EYS: variants seen among roughly 807,000 people sequenced by gnomAD.
EYS encodes the protein EGF-like photoreceptor maintenance factor.
A neutral mutation model predicts 282.1 loss-of-function variants in EYS; 250 were observed. The ratio of observed to expected loss-of-function variants is 0.89; its 90% CI spans 0.80 to 0.98. The LOEUF (loss-of-function observed/expected upper bound fraction) is 0.98. Ranked by LOEUF, EYS falls within the 50% of genes least tolerant of loss-of-function variation. EYS has a pLI of 0.00. For synonymous variants in EYS, 1,355 were observed against 1,282.9 expected (o/e 1.06, Z -1.20); for missense variants, 4,016 against 3,709.0 (o/e 1.08, Z -2.15).
chr6:63,773,447 A>C (rs1769985509), intron 40 of EYS, among the ~76,000 whole-genome samples: 1 of 152,212 alleles, frequency 6.6e-6, no homozygotes, highest in African/African-American at 2.4e-5. Context: ...CTTGGTAAGG[A>C]GAGGCGGTTT....
rs1385606496 is a variant in EYS at position 64,822,643 on chromosome 6, A to G, written c.3164+8T>C. The G allele has an allele frequency of 4.6e-6, 7 of 1,516,716 alleles. No individual in the cohort carries two copies. The Admixed American group carries it at 1.4e-4, about 31-fold the overall frequency. The allele number at this position is 1,516,716 out of a possible 1,614,324, so 94.0% of individuals were successfully genotyped here. On this transcript the variant is annotated splice_region_variant and intron_variant, in intron 20 of 42. Coordinates refer to ENST00000503581, the MANE Select transcript of EYS (RefSeq NM_001142800.2). ...TTTCATAAAGCTAATAATAAAAAAA[A>G]TAGCTACCTTCCATGTAGACAAGGA...
intron 29 of EYS, chr6:64,377,698 T>C (rs2150417834): frequency 6.6e-6 from 1 of 152,252 alleles, no homozygotes; most frequent in South Asian, 2.1e-4. Flanking sequence ...AGTTGTGTTT[T>C]TGATTTTTTT....
At chr6:65,316,198 T>C (rs1485428850) in intron 11 of EYS, among the ~76,000 whole-genome samples, 1 of 152,198 alleles carries the variant, frequency 6.6e-6, no homozygotes, top group Non-Finnish European at 1.5e-5. Flanking sequence ...GGCTTGTTTT[T>C]ATAGTCTCTA....
At chr6:64,819,583 A>T (rs1764839056) in intron 21 of EYS, among the ~76,000 whole-genome samples, 1 of 152,018 alleles carries the variant, frequency 6.6e-6, no homozygotes, top group Non-Finnish European at 1.5e-5. Flanking sequence ...AGCTTTTATC[A>T]ATCATAATAT....
At chr6:65,179,173 C>G (rs1053573353) in intron 12 of EYS, among the ~76,000 whole-genome samples, 2 of 151,794 alleles carry the variant, frequency 1.3e-5, no homozygotes, top group African/African-American at 4.8e-5. Flanking sequence ...AGAGCAAACA[C>G]CTTCAAAAGC....
chr6:64,082,808 A>G (rs965019117), intron 31 of EYS, among the ~76,000 whole-genome samples: 14 of 152,158 alleles, frequency 9.2e-5, no homozygotes, highest in African/African-American at 1.9e-4. Flanking sequence ...ATCTATATTC[A>G]TATCTATTAA....
chr6:65,525,513 C>T (rs1767522847), intron 2 of EYS, among the ~76,000 whole-genome samples: 2 of 152,150 alleles, frequency 1.3e-5, no homozygotes, highest in Admixed American at 6.5e-5. Flanking sequence ...CCCTCGCCCA[C>T]CATCAATTAC....
intron 36 of EYS, among the ~76,000 whole-genome samples, chr6:63,830,888 C>A (rs946010021): frequency 3.3e-5 from 5 of 152,168 alleles, no homozygotes; most frequent in Non-Finnish European, 7.3e-5. Flanking sequence ...CTCTTAAAGC[C>A]AGGAGAGAGT....
At chr6:64,841,982 A>T (rs1476552696) in intron 19 of EYS, among the ~76,000 whole-genome samples, 1 of 152,096 alleles carries the variant, frequency 6.6e-6, no homozygotes, top group Non-Finnish European at 1.5e-5. Flanking sequence ...TTTCTTCATA[A>T]ATTCCAGGAT....
rs70999138 is a variant in EYS at position 64,245,316 on chromosome 6, GTGTTT to G, written c.6192-14497_6192-14493del. On this transcript the variant is annotated intron_variant, in intron 30 of 42. Coordinates refer to ENST00000503581, the MANE Select transcript of EYS (RefSeq NM_001142800.2). ...TTTGTTTTGTTTTTGTTTTTTGTGG[GTGTTT>G]TGTTTTGTTTTGTTTTGTTTTTTGG... Among the ~76,000 whole-genome samples the G allele has an allele frequency of 1.9e-3, 281 of 150,762 alleles. 3 individuals are homozygous for G. The South Asian group carries it at 0.021, about 11-fold the overall frequency.
intron 26 of EYS, among the ~76,000 whole-genome samples, chr6:64,478,858 G>A (rs1682683587): frequency 6.6e-6 from 1 of 151,206 alleles, no homozygotes; most frequent in Non-Finnish European, 1.5e-5. Flanking sequence ...AGGACAGAAA[G>A]GTATCAAAGT....
intron 39 of EYS, 27 bp downstream of exon 39, chr6:63,788,078 A>G (rs1386294510): frequency 1.3e-6 from 2 of 1,487,052 alleles, no homozygotes; most frequent in South Asian, 1.3e-5. Context: ...ATAAGTAGGT[A>G]TAATATAAAA....
intron 31 of EYS, among the ~76,000 whole-genome samples, chr6:64,189,907 T>A (rs1447217279): frequency 6.6e-6 from 1 of 152,198 alleles, no homozygotes; most frequent in Non-Finnish European, 1.5e-5. Context: ...CAAAAAAGTT[T>A]CCTGACCCCT....
intron 12 of EYS, among the ~76,000 whole-genome samples, chr6:65,292,548 A>T (rs1186588406): frequency 6.6e-6 from 1 of 151,758 alleles, no homozygotes; most frequent in Non-Finnish European, 1.5e-5. Flanking sequence ...AGGCACCTAG[A>T]AGTTTCTCTC....
At chr6:65,556,441 T>C (rs1768806262) in intron 2 of EYS, among the ~76,000 whole-genome samples, 1 of 128,102 alleles carries the variant, frequency 7.8e-6, no homozygotes, top group African/African-American at 2.7e-5. Context: ...TTTGAAGGAC[T>C]AACATGTGTC....
chr6:64,224,837 T>C (rs988358741), intron 31 of EYS, among the ~76,000 whole-genome samples: 7 of 72,264 alleles, frequency 9.7e-5, no homozygotes, highest in African/African-American at 3.4e-4. Context: ...TGTGAATGAT[T>C]TTTTTTTTGT....
chr6:64,590,390 G>C lies in EYS; in HGVS notation c.5477C>G (p.Ser1826Cys). The C allele has an allele frequency of 1.3e-6, 2 of 1,551,306 alleles. No individual in the cohort carries two copies. The highest frequency in any genetic ancestry group is 1.7e-6 in the Non-Finnish European group (2 of 1,146,752). Residue 1826 changes from serine to cysteine, a missense_variant, in exon 26 of 43, where the codon TCT (serine) becomes TGT (cysteine). Coordinates refer to ENST00000503581, the MANE Select transcript of EYS (RefSeq NM_001142800.2). ...DWPYFTDYMT[S>C]LKKEVKTSSE... ...AGAAGTCTTGACCTCTTTTTTAAGA[G>C]AGGTCATATAATCTGTAAAATATGG...
At chr6:65,030,241 G>T (rs1414476798) in intron 13 of EYS, among the ~76,000 whole-genome samples, 2 of 152,088 alleles carry the variant, frequency 1.3e-5, no homozygotes, top group Non-Finnish European at 2.9e-5. Flanking sequence ...TAGGGTCCCT[G>T]CTTGGCTGAT....
chr6:64,033,827 ACTCTCT>A (rs71708335), intron 33 of EYS, among the ~76,000 whole-genome samples: 14 of 148,530 alleles, frequency 9.4e-5, no homozygotes, highest in East Asian at 4.0e-4. Context: ...AAATGAGATT[ACTCTCT>A]CTCTCTCTCT....
Sources: allele counts gnomAD v4.1 joint callset (sites outside exome capture counted in the v4.1 genomes callset), GRCh38; gene constraint gnomAD v4.1.1; transcripts MANE v1.5; gene names NCBI Gene and HGNC (gene_info 2026-07-23, HGNC 2026-07-21).